TMEM132C: variants seen among roughly 807,000 people sequenced by gnomAD.
The protein encoded by TMEM132C is transmembrane protein 132C.
In TMEM132C, 29 loss-of-function variants were observed where a neutral mutation model predicts 61.4. The ratio of observed to expected loss-of-function variants is 0.47; its 90% CI spans 0.35 to 0.64. The LOEUF is 0.64. TMEM132C is among the 30% of genes least tolerant of loss of function. The probability of loss-of-function intolerance (pLI) is 0.00; values close to 1 mark genes in which losing one functional copy is unlikely to be tolerated. For missense variants in TMEM132C, 1,408 were observed against 1,476.9 expected (o/e 0.95, Z 0.76); for synonymous variants, 656 against 633.1 (o/e 1.04, Z -0.54).
At chr12:128,494,498 G>C (rs1489552970) in intron 2 of TMEM132C, among the ~76,000 whole-genome samples, 1 of 152,136 alleles carries the variant, frequency 6.6e-6, no homozygotes, top group East Asian at 1.9e-4. Flanking sequence ...TGGTTGGTAG[G>C]CTATTAATTA....
At chr12:128,333,801 TGTG>T (rs1183158264) in intron 1 of TMEM132C, among the ~76,000 whole-genome samples, 1 of 151,304 alleles carries the variant, frequency 6.6e-6, no homozygotes, top group African/African-American at 2.4e-5. Context: ...GTGGCTTGTT[TGTG>T]GTGTGTGTTG....
rs995356076 is a variant in TMEM132C at position 128,705,822 on chromosome 12, T to C, written c.2854T>C (p.Tyr952His). The C allele has an allele frequency of 1.3e-6, 2 of 1,551,500 alleles. No homozygotes were observed. The highest frequency in any genetic ancestry group is 1.4e-5 in the African/African-American group (1 of 73,012). The change falls in exon 9 of 9, where the codon TAC (tyrosine) becomes CAC (histidine). Residue 952 changes from tyrosine (Y) to histidine (H), a missense_variant. Physicochemically the swap from Tyr to His is moderately conservative, Grantham distance 83. Coordinates refer to ENST00000435159, the MANE Select transcript of TMEM132C (RefSeq NM_001136103.3). The part of the protein sequence containing the change: ...LINCATFALK[Y>H]RHKQVPLEGQ... The stretch of plus-strand genomic sequence containing the variant: ...CAACTGCGCCACCTTTGCCCTGAAG[T>C]ACAGGCACAAGCAAGTGCCCCTGGA...
chr12:128,518,743 C>CGT lies in TMEM132C; in HGVS notation c.975-25202_975-25201dup, dbSNP rs1245817824. Among the ~76,000 whole-genome samples, 11 of 151,036 alleles carry CGT rather than the reference C, an allele frequency of 7.3e-5. No individual in the cohort carries two copies. In the East Asian group the frequency reaches 1.2e-3, roughly 16 times the overall value. On this transcript the variant is annotated intron_variant, in intron 2 of 8. Transcript: ENST00000435159. The stretch of plus-strand genomic sequence containing the variant: ...ATGTGTGTGTGTGTGCATGTGTGTG[C>CGT]GTGTGTGTGTGTGGTGTGTGTGTGT...
intron 4 of TMEM132C, among the ~76,000 whole-genome samples, chr12:128,617,820 G>C (rs2171718): frequency 0.64 from 97,368 of 152,016 alleles, 31,309 homozygotes; most frequent in South Asian, 0.68. Context: ...TAGCAGATGT[G>C]CACCCCAGAA....
At chr12:128,597,926 A>C (rs995611689) in intron 3 of TMEM132C, among the ~76,000 whole-genome samples, 1 of 152,206 alleles carries the variant, frequency 6.6e-6, no homozygotes, top group Non-Finnish European at 1.5e-5. Flanking sequence ...TGGAGCAGGC[A>C]GAGGTCCCAG....
At chr12:128,438,833 C>G (rs1336435080) in intron 2 of TMEM132C, 2 of 152,206 alleles carry the variant, frequency 1.3e-5, no homozygotes, top group Admixed American at 6.5e-5. Context: ...TTTTGCATTT[C>G]TCTCCACTTC....
chr12:128,421,670 A>G (rs1205040487), intron 2 of TMEM132C, among the ~76,000 whole-genome samples: 1 of 152,268 alleles, frequency 6.6e-6, no homozygotes, highest in African/African-American at 2.4e-5. Flanking sequence ...TTCAAAGGCA[A>G]CCCTCGCTTT....
chr12:128,360,406 C>T (rs1276243376), intron 1 of TMEM132C, among the ~76,000 whole-genome samples: 1 of 152,136 alleles, frequency 6.6e-6, no homozygotes, highest in East Asian at 1.9e-4. Context: ...AGCCATGAGT[C>T]ACATGTGGAC....
At chr12:128,474,320 G>A (rs1871085350) in intron 2 of TMEM132C, among the ~76,000 whole-genome samples, 1 of 152,166 alleles carries the variant, frequency 6.6e-6, no homozygotes. Flanking sequence ...TCACAAGCAT[G>A]CTGGGCCCAC....
rs1407775991 is a variant in TMEM132C, at chr12:128,707,701, G to C, written c.*1406G>C. 6.6e-6 allele frequency: 1 copy of C among 152,170 alleles called. No individual in the cohort carries two copies. Among genetic ancestry groups the C allele is most frequent in the Admixed American group, 6.5e-5 (1 of 15,280 alleles). 9.4% of individuals were successfully genotyped at this position (152,170 alleles called of 1,614,324 possible). Reference sequence around the variant, plus strand: ...CTGACAGCCCTCATGCTCTCCGCAGGGGGGCGCTCACAAAGATGCCAGGGG... The same window carrying C: ...CTGACAGCCCTCATGCTCTCCGCAGCGGGGCGCTCACAAAGATGCCAGGGG... On this transcript the variant is annotated 3_prime_UTR_variant, in exon 9 of 9. Transcript: ENST00000435159.
intron 2 of TMEM132C, among the ~76,000 whole-genome samples, chr12:128,422,475 C>T (rs951514324): frequency 1.3e-5 from 2 of 152,154 alleles, no homozygotes; most frequent in African/African-American, 4.8e-5. Flanking sequence ...CTTAATTGAA[C>T]AGTGTGATTC....
At chr12:128,345,570 C>A (rs987355692) in intron 1 of TMEM132C, among the ~76,000 whole-genome samples, 1 of 152,126 alleles carries the variant, frequency 6.6e-6, no homozygotes, top group Admixed American at 6.6e-5. Context: ...GTCTCGCCTC[C>A]GTCTGTTATT....
intron 2 of TMEM132C, among the ~76,000 whole-genome samples, chr12:128,465,072 C>T (rs969980328): frequency 6.6e-6 from 1 of 152,134 alleles, no homozygotes; most frequent in African/African-American, 2.4e-5. Flanking sequence ...GAGACGTCCT[C>T]CTATGCTTGT....
At chr12:128,543,125 T>A (rs12812737) in intron 2 of TMEM132C, among the ~76,000 whole-genome samples, 55,684 of 151,986 alleles carry the variant, frequency 0.37, 11,644 homozygotes, top group Non-Finnish European at 0.46. Context: ...TGCCTTTTTG[T>A]TGCTTTGTTT....
At chr12:128,424,664 G>A (rs10847615) in intron 2 of TMEM132C, among the ~76,000 whole-genome samples, 90,290 of 151,598 alleles carry the variant, frequency 0.6, 29,955 homozygotes, top group Non-Finnish European at 0.75. Flanking sequence ...GGTGATGGTT[G>A]CACAACTTTG....
intron 3 of TMEM132C, among the ~76,000 whole-genome samples, chr12:128,563,321 A>C (rs1874586156): frequency 6.6e-6 from 1 of 152,236 alleles, no homozygotes; most frequent in African/African-American, 2.4e-5. Flanking sequence ...GAGCCTTGGC[A>C]GGTCCTGGAG....
chr12:128,551,894 G>C (rs917635730), intron 3 of TMEM132C, among the ~76,000 whole-genome samples: 1 of 152,136 alleles, frequency 6.6e-6, no homozygotes, highest in African/African-American at 2.4e-5. Context: ...CTTTTGATTC[G>C]AACGTTGCAC....
At chr12:128,547,496 G>A (rs1401914735) in intron 3 of TMEM132C, among the ~76,000 whole-genome samples, 6 of 151,234 alleles carry the variant, frequency 4.0e-5, no homozygotes, top group Non-Finnish European at 5.9e-5. Flanking sequence ...CCCGGGAGGC[G>A]GAGCTTGCAG....
intron 5 of TMEM132C, among the ~76,000 whole-genome samples, chr12:128,679,599 A>T (rs1954617565): frequency 6.6e-6 from 1 of 152,200 alleles, no homozygotes; most frequent in Admixed American, 6.5e-5. Flanking sequence ...CCTGACACCC[A>T]GTAACATCTT....
Sources: gnomAD v4.1 joint callset for allele counts (sites outside exome capture counted in the v4.1 genomes callset) on GRCh38, gnomAD v4.1.1 for gene constraint, MANE v1.5 for transcripts, NCBI Gene and HGNC (gene_info 2026-07-23, HGNC 2026-07-21) for gene names.